Variants in SPAG17 observed in about 807,000 individuals in gnomAD.
SPAG17 encodes sperm-associated antigen 17.
A neutral mutation model predicts 273.6 loss-of-function variants in SPAG17; 169 were observed. The observed-to-expected ratio is 0.62, with a 90% confidence interval of 0.55 to 0.70. The LOEUF (loss-of-function observed/expected upper bound fraction) is 0.70. Among genes scored for constraint, SPAG17 ranks in the 30% least tolerant of loss-of-function variants. The pLI is 0.00. For synonymous variants in SPAG17, 825 were observed against 873.2 expected, an observed-to-expected ratio of 0.94 and a Z score of 0.97; for missense variants, 2,557 against 2,627.8, an observed-to-expected ratio of 0.97 and a Z score of 0.59.
At chr1:118,073,027 G>A (rs1429669703) in intron 17 of SPAG17, among the ~76,000 whole-genome samples, 1 of 152,052 alleles carries the variant, frequency 6.6e-6, no homozygotes, top group Non-Finnish European at 1.5e-5. Flanking sequence ...GGGGATGGGG[G>A]AAGGAGGCTG....
chr1:118,175,574 C>CAAA (rs79880272), intron 1 of SPAG17, among the ~76,000 whole-genome samples: 2 of 43,870 alleles, frequency 4.6e-5, no homozygotes, highest in Non-Finnish European at 9.7e-5. Context: ...TTTCAAAGTA[C>CAAA]AAAAAAAAAA....
rs1205613851 is a variant in SPAG17 at position 118,016,037 on chromosome 1, G to T, written c.4215C>A (p.Thr1405=). 1.2e-6 allele frequency: 2 copies of T among 1,613,994 alleles called. No individual in the cohort carries two copies. The highest frequency in any genetic ancestry group is 1.7e-4 in the Middle Eastern group (1 of 6,058). Reference sequence around the variant, plus strand: ...AGTCTGCTATTCTTTCTAATCCTTTGGTGCCGATCCGATTTCCTTCAGGTG... The same window carrying T: ...AGTCTGCTATTCTTTCTAATCCTTTTGTGCCGATCCGATTTCCTTCAGGTG... The part of the protein sequence containing the change: ...TTTPEGNRIG[T]KGLERIADLT... Residue 1405 remains threonine (T), a synonymous_variant, in exon 29 of 49, where the codon ACC becomes ACA. Transcript: ENST00000336338.
chr1:118,084,799 C>A (rs1654859334), intron 13 of SPAG17, among the ~76,000 whole-genome samples: 1 of 152,026 alleles, frequency 6.6e-6, no homozygotes, highest in African/African-American at 2.4e-5. Flanking sequence ...ATCCAGAGAC[C>A]AGAATGTTTT....
At chr1:117,958,887 G>C (rs373379294) in intron 48 of SPAG17, 2 of 1,605,060 alleles carry the variant, frequency 1.2e-6, no homozygotes, top group South Asian at 1.1e-5. Flanking sequence ...CTGCAACATG[G>C]CTGTGTTTTG....
rs12040658 is a variant in SPAG17 at position 118,076,147 on chromosome 1, G to C, written c.2210-1547C>G. 2.2e-4 allele frequency among the ~76,000 whole-genome samples: 34 copies of C among 152,034 alleles called. No individual in the cohort carries two copies. The East Asian group carries it at 5.2e-3, about 23-fold the overall frequency. On this transcript the variant is annotated intron_variant, in intron 15 of 48. Transcript: ENST00000336338. Reference sequence around the variant, plus strand: ...TATATTAAACGTGGAAATTAACCTAGAGCCATATAGAGAAATTAGAAATGT... The same window carrying C: ...TATATTAAACGTGGAAATTAACCTACAGCCATATAGAGAAATTAGAAATGT...
intron 29 of SPAG17, among the ~76,000 whole-genome samples, chr1:118,013,855 G>T (rs544830891): frequency 6.6e-6 from 1 of 152,168 alleles, no homozygotes; most frequent in Non-Finnish European, 1.5e-5. Context: ...GCCAGGTCTG[G>T]TACTAATCTT....
At chr1:118,158,434 G>C (rs1358493835) in intron 1 of SPAG17, among the ~76,000 whole-genome samples, 2 of 152,112 alleles carry the variant, frequency 1.3e-5, no homozygotes, top group Non-Finnish European at 2.9e-5. Context: ...TTAGAGATGT[G>C]GATCTGCTTA....
chr1:118,150,006 A>G (rs1297010984), intron 3 of SPAG17, among the ~76,000 whole-genome samples: 1 of 152,204 alleles, frequency 6.6e-6, no homozygotes, highest in Non-Finnish European at 1.5e-5. Flanking sequence ...TGGAAATGGA[A>G]CGGACCATTA....
intron 3 of SPAG17, among the ~76,000 whole-genome samples, chr1:118,135,676 T>C (rs188374054): frequency 2.6e-5 from 4 of 152,280 alleles, no homozygotes; most frequent in East Asian, 3.9e-4. Context: ...GTTTTCTGCA[T>C]GGGGAATGCT....
intron 10 of SPAG17, among the ~76,000 whole-genome samples, chr1:118,089,355 G>GTGTGTGTGTGTGTGTGTGTGTGT (rs10527094): frequency 4.4e-5 from 6 of 137,912 alleles, no homozygotes; most frequent in East Asian, 4.8e-4. Flanking sequence ...GTGTGTGTGT[G>GTGTGTGTGTGTGTGTGTGTGTGT]GTGGCAGGTA....
rs1232517515 is a variant in SPAG17 at position 117,958,761 on chromosome 1, CTTT to C, written c.*1-4715_*1-4713del. ...AACTGAATAGTAGAGAAAGAAACTT[CTTT>C]GGCTTTTTTTTTTTTTTTTGCTCGA... On this transcript the variant is annotated intron_variant, in intron 48 of 48. Transcript: ENST00000336338. 13 of 579,978 alleles carry C rather than the reference CTTT, an allele frequency of 2.2e-5. No homozygotes were observed. In the African/African-American group the frequency reaches 2.7e-4, roughly 12 times the overall value. The allele number at this position is 579,978 out of a possible 1,614,324, so 35.9% of individuals were successfully genotyped here. A position where few individuals can be genotyped will look rare whatever the true frequency, so the allele number is the denominator to read the frequency against.
chr1:118,155,039 A>G (rs1659578537), intron 1 of SPAG17, among the ~76,000 whole-genome samples: 1 of 152,162 alleles, frequency 6.6e-6, no homozygotes, highest in Non-Finnish European at 1.5e-5. Flanking sequence ...AAATCAAGTC[A>G]GCTGTCTATG....
At chr1:118,055,176 A>T (rs886933390) in intron 19 of SPAG17, among the ~76,000 whole-genome samples, 12 of 151,928 alleles carry the variant, frequency 7.9e-5, no homozygotes, top group African/African-American at 2.9e-4. Context: ...CACCACCACA[A>T]CATCATCAAC....
At chr1:117,992,795 T>C in intron 35 of SPAG17, 147 bp from the exon 36 acceptor site, 1 of 693,248 alleles carries the variant, frequency 1.4e-6, no homozygotes, top group Non-Finnish European at 2.3e-6. Flanking sequence ...CCTCAAAAAG[T>C]TCTGCAAATA....
At chr1:118,056,720 T>C (rs1296230062) in intron 18 of SPAG17, among the ~76,000 whole-genome samples, 1 of 152,220 alleles carries the variant, frequency 6.6e-6, no homozygotes. Context: ...GGTTGTTTAA[T>C]AGTTTTCTTT....
At chr1:118,031,056 C>T (rs1648397477) in intron 25 of SPAG17, among the ~76,000 whole-genome samples, 1 of 151,924 alleles carries the variant, frequency 6.6e-6, no homozygotes, top group African/African-American at 2.4e-5. Flanking sequence ...ACACTCCCAC[C>T]AACAGTGGAA....
At chr1:118,164,154 A>G (rs1355530813) in intron 1 of SPAG17, among the ~76,000 whole-genome samples, 6 of 152,178 alleles carry the variant, frequency 3.9e-5, no homozygotes, top group African/African-American at 1.4e-4. Flanking sequence ...GGATATTATA[A>G]CTACTCCCAT....
chr1:118,086,843 A>G (rs747297200), intron 11 of SPAG17, 28 bp downstream of exon 11: 1 of 1,614,162 alleles, frequency 6.2e-7, no homozygotes, highest in South Asian at 1.1e-5. Context: ...CCAAAGCATG[A>G]AGACTCTGCT....
intron 1 of SPAG17, among the ~76,000 whole-genome samples, chr1:118,173,875 A>AC (rs1660542930): frequency 6.6e-6 from 1 of 151,408 alleles, no homozygotes. Context: ...AAAAAAAAAA[A>AC]AAGTACACAC....
Sources: gnomAD v4.1 joint callset for allele counts (sites outside exome capture counted in the v4.1 genomes callset) on GRCh38, gnomAD v4.1.1 for gene constraint, MANE v1.5 for transcripts, NCBI Gene and HGNC (gene_info 2026-07-23, HGNC 2026-07-21) for gene names.